The following DPP9 variants were observed in gnomAD, a reference collection of about 807,000 sequenced individuals.
The protein encoded by DPP9 is dipeptidyl peptidase 9, also known as dipeptidyl peptidase IV-related protein-2.
DPP9 carries 50 observed loss-of-function variants against 110.7 expected under a neutral mutation model. The observed-to-expected ratio is 0.45, with a 90% CI of 0.36 to 0.57. DPP9 has a LOEUF of 0.57. DPP9 is among the 20% of genes least tolerant of loss of function. The probability of loss-of-function intolerance (pLI) is 0.00; values close to 1 mark genes in which losing one functional copy is unlikely to be tolerated. For missense variants in DPP9, 1,022 were observed against 1,217.9 expected, an observed-to-expected ratio of 0.84 and a Z score of 2.39; for synonymous variants, 561 against 514.4, an observed-to-expected ratio of 1.09 and a Z score of -1.23.
chr19:4,706,962 T>C (rs1238784455), intron 4 of DPP9, among the ~76,000 whole-genome samples: 4 of 152,148 alleles, frequency 2.6e-5, no homozygotes, highest in Admixed American at 2.0e-4. Flanking sequence ...GCCCACTCCA[T>C]GCCAGGGGCA....
chr19:4,679,898 G>A lies in DPP9; in HGVS notation c.2523C>T (p.His841=). ...AGACGAGGAAGTTTGTGTGGAAAAA[G>A]TGCACGTTTTCGTCCAGGAAGCCGT... The part of the protein sequence containing the change: ...ILHGFLDENV[H]FFHTNFLVSQ... The change falls in exon 21 of 22, where the codon CAC becomes CAT. Residue 841 remains histidine, a synonymous_variant. Coordinates refer to ENST00000262960, the MANE Select transcript of DPP9 (RefSeq NM_139159.5). The A allele has an allele frequency of 6.2e-7, 1 of 1,613,562 alleles. No homozygotes were observed. The highest frequency in any genetic ancestry group is 8.5e-7 in the Non-Finnish European group (1 of 1,179,810).
Position 4,705,838 on chromosome 19 carries a change from C to T in DPP9, c.426+20G>A, listed in dbSNP as rs763324155. The T allele has an allele frequency of 1.1e-5, 18 of 1,612,324 alleles. No individual in the cohort carries two copies. The highest frequency in any genetic ancestry group is 1.7e-4 in the Middle Eastern group (1 of 6,042). On this transcript the variant is annotated intron_variant, in intron 5 of 21. Transcript: ENST00000262960. ...ACCTCCTCGCCCACGGTAGGGCCCACGCCTAATAGCACAGCTTACCTGGAA... is the reference window on the plus strand; with the variant it reads ...ACCTCCTCGCCCACGGTAGGGCCCATGCCTAATAGCACAGCTTACCTGGAA...
At position 4,690,873 on chromosome 19, in the gene DPP9, G is replaced by C. The variant is rs1225390549; in HGVS notation, c.1596+5C>G. ...CAGGGGAAGGCTGCAAGGAGACCCTGGTACCTTGGAGCCGTGCCTCGCCAA... is the reference window on the plus strand; with the variant it reads ...CAGGGGAAGGCTGCAAGGAGACCCTCGTACCTTGGAGCCGTGCCTCGCCAA... On this transcript the variant is annotated splice_donor_5th_base_variant and intron_variant, in intron 14 of 21. Coordinates refer to ENST00000262960, the MANE Select transcript of DPP9 (RefSeq NM_139159.5). 1 of 1,611,200 alleles carries C rather than the reference G, an allele frequency of 6.2e-7. No individual in the cohort carries two copies. The highest frequency in any genetic ancestry group is 8.5e-7 in the Non-Finnish European group (1 of 1,178,592).
chr19:4,721,169 GC>G (rs1296315138), intron 2 of DPP9, among the ~76,000 whole-genome samples: 1 of 152,186 alleles, frequency 6.6e-6, no homozygotes, highest in African/African-American at 2.4e-5. Flanking sequence ...GGACAGAACA[GC>G]CCCCCTCCCA....
chr19:4,677,621 C>G (rs2089060012), intron 21 of DPP9, among the ~76,000 whole-genome samples: 1 of 152,214 alleles, frequency 6.6e-6, no homozygotes, highest in Non-Finnish European at 1.5e-5. Context: ...CAAGGACTTG[C>G]CAGTCTGACA....
chr19:4,722,359 C>G (rs907450601), intron 2 of DPP9, 140 bp downstream of exon 2: 4 of 577,858 alleles, frequency 6.9e-6, no homozygotes, highest in South Asian at 4.2e-5. Context: ...CAAAAAACTG[C>G]AGCCACTGCC....
intron 10 of DPP9, 64 bp from the exon 11 acceptor site, chr19:4,697,715 G>C (rs1357421650): frequency 2.2e-6 from 3 of 1,390,948 alleles, no homozygotes; most frequent in Non-Finnish European, 3.0e-6. Flanking sequence ...GGAGGAGAAG[G>C]CCACTGCGCT....
At position 4,695,608 on chromosome 19, in the gene DPP9, C is replaced by T. The variant is rs1024897800; in HGVS notation, c.1176-53G>A. 6 of 1,394,818 alleles carry T rather than the reference C, an allele frequency of 4.3e-6. No homozygotes were observed. In the African/African-American group the frequency reaches 4.5e-5, roughly 10 times the overall value. 86.4% of individuals were successfully genotyped at this position (1,394,818 alleles called of 1,614,324 possible). The stretch of plus-strand genomic sequence containing the variant: ...AGAGGGAAGCTGGGAGCCTCAGTGG[C>T]CTGCACAGAGAAGCTGGGGACGCAG... On this transcript the variant is annotated intron_variant, in intron 11 of 21. Coordinates refer to ENST00000262960, the MANE Select transcript of DPP9 (RefSeq NM_139159.5). The surrounding 1 kb of genome is among the most constrained non-coding windows in gnomAD (Gnocchi z 4.7).
chr19:4,684,916 G>T lies in DPP9; in HGVS notation c.2032-107C>A. ...GACCGGGCCGGGCTGGGGCCTCAGA[G>T]CCTAATGAAAGCACCTGTGCCCCGG... On this transcript the variant is annotated intron_variant, in intron 17 of 21. Coordinates refer to ENST00000262960, the MANE Select transcript of DPP9 (RefSeq NM_139159.5). This position sits in a 1 kb window ranked among gnomAD's most constrained non-coding sequence, Gnocchi z 4.8. The T allele has an allele frequency of 7.0e-7, 1 of 1,436,884 alleles. No homozygotes were observed. The highest frequency in any genetic ancestry group is 9.5e-7 in the Non-Finnish European group (1 of 1,049,702). The allele number at this position is 1,436,884 out of a possible 1,614,324, so 89.0% of individuals were successfully genotyped here.
chr19:4,703,534 G>A (rs1201633572), intron 7 of DPP9, among the ~76,000 whole-genome samples: 1 of 151,892 alleles, frequency 6.6e-6, no homozygotes, highest in African/African-American at 2.4e-5. Context: ...TACTCGGGAG[G>A]CTGAGGCAGG....
At chr19:4,720,998 T>C (rs2093296462) in intron 2 of DPP9, among the ~76,000 whole-genome samples, 3 of 152,152 alleles carry the variant, frequency 2.0e-5, no homozygotes, top group Admixed American at 6.5e-5. Flanking sequence ...CAGAGGATCA[T>C]GGGACGCAGT....
At chr19:4,701,388 A>G (rs1055501792) in intron 9 of DPP9, among the ~76,000 whole-genome samples, 1 of 152,150 alleles carries the variant, frequency 6.6e-6, no homozygotes, top group African/African-American at 2.4e-5. Context: ...GGATCACTTG[A>G]GCCTAGGAGT....
rs953745529 is a variant in DPP9, at chr19:4,701,949, G to A, written c.1012+78C>T. The A allele has an allele frequency of 7.7e-6, 12 of 1,553,690 alleles. No individual in the cohort carries two copies. The African/African-American group carries it at 1.2e-4, about 16-fold the overall frequency. ...CACACATGCAGCTCAGAGGGCCTGG[G>A]GGACAGTGCACCTCACCAGCCATGC... On this transcript the variant is annotated intron_variant, in intron 9 of 21. Coordinates refer to ENST00000262960, the MANE Select transcript of DPP9 (RefSeq NM_139159.5).
At chr19:4,703,626 G>A (rs1339219750) in intron 7 of DPP9, among the ~76,000 whole-genome samples, 3 of 149,968 alleles carry the variant, frequency 2.0e-5, no homozygotes, top group African/African-American at 4.9e-5. Context: ...TCCCGCCTGC[G>A]CTCCCGCCTG....
rs188090282 is a variant in DPP9, at chr19:4,684,581, G to C, written c.2178+82C>G. Reference sequence around the variant, plus strand: ...CTTCTGCGGGTGGTATTCCAGAGCCGCTCCCATGCCCTGCACCCACACGGC... The same window carrying C: ...CTTCTGCGGGTGGTATTCCAGAGCCCCTCCCATGCCCTGCACCCACACGGC... On this transcript the variant is annotated intron_variant, in intron 18 of 21. Transcript: ENST00000262960. The surrounding 1 kb of genome is among the most constrained non-coding windows in gnomAD (Gnocchi z 4.8). 3 of 1,528,158 alleles carry C rather than the reference G, an allele frequency of 2.0e-6. No individual in the cohort carries two copies. The highest frequency in any genetic ancestry group is 2.7e-6 in the Non-Finnish European group (3 of 1,127,328). 94.7% of individuals were successfully genotyped at this position (1,528,158 alleles called of 1,614,324 possible). A position where few individuals can be genotyped will look rare whatever the true frequency, so the allele number is the denominator to read the frequency against.
Position 4,694,288 on chromosome 19 carries a change from A to G in DPP9, c.1516+373T>C, listed in dbSNP as rs2091591522. ...TGGGACTACCCAGTTCTGCTGCTGC[A>G]GCACAAAAGCGACCACAGACAGTCT... is the stretch of plus-strand genomic sequence containing the variant. On this transcript the variant is annotated intron_variant, in intron 13 of 21. Transcript: ENST00000262960. This position sits in a 1 kb window ranked among gnomAD's most constrained non-coding sequence, Gnocchi z 4.0. The G allele has an allele frequency of 2.5e-6, 1 of 393,702 alleles. No individual in the cohort carries two copies. Among genetic ancestry groups the G allele is most frequent in the Non-Finnish European group, 4.5e-6 (1 of 220,256 alleles). The allele number at this position is 393,702 out of a possible 1,614,324, so 24.4% of individuals were successfully genotyped here.
intron 1 of DPP9, 58 bp from the exon 2 acceptor site, chr19:4,722,609 T>C: frequency 1.4e-6 from 1 of 701,408 alleles, no homozygotes; most frequent in East Asian, 2.7e-5. Flanking sequence ...CGGCCAGCCG[T>C]TCAGCCTCCC....
In DPP9 at chr19:4,682,566, G is replaced by A. The variant is rs1568300327; in HGVS notation, c.2474+130C>T. ...GACGCCACCACAGGAGCACAGCGGG[G>A]AGGCTCCACATGGCCTGAGGCTCCC... On this transcript the variant is annotated intron_variant, in intron 20 of 21. Coordinates refer to ENST00000262960, the MANE Select transcript of DPP9 (RefSeq NM_139159.5). The surrounding 1 kb of genome is among the most constrained non-coding windows in gnomAD (Gnocchi z 7.1). 1.5e-6 allele frequency: 2 copies of A among 1,354,256 alleles called. No individual in the cohort carries two copies. The allele number at this position is 1,354,256 out of a possible 1,614,324, so 83.9% of individuals were successfully genotyped here.
At chr19:4,702,392 A>C (rs1388584801) in intron 8 of DPP9, among the ~76,000 whole-genome samples, 1 of 152,120 alleles carries the variant, frequency 6.6e-6, no homozygotes, top group African/African-American at 2.4e-5. Flanking sequence ...CTGGCATGGG[A>C]AGTGGCCACG....
Sources: gnomAD v4.1 joint callset for allele counts (sites outside exome capture counted in the v4.1 genomes callset) on GRCh38, gnomAD v4.1.1 for gene constraint, Gnocchi (gnomAD v3.1) non-coding constraint, MANE v1.5 for transcripts, NCBI Gene and HGNC (gene_info 2026-07-23, HGNC 2026-07-21) for gene names.